Variants in RASA1 observed in about 807,000 individuals in gnomAD.
The protein encoded by RASA1 is RAS p21 protein activator 1.
RASA1 carries 25 observed loss-of-function variants against 132.2 expected under a neutral mutation model. The ratio of observed to expected loss-of-function variants is 0.19; its 90% CI spans 0.14 to 0.26. The LOEUF (loss-of-function observed/expected upper bound fraction) is 0.26. Among genes scored for constraint, RASA1 ranks in the 10% least tolerant of loss-of-function variants. The probability of loss-of-function intolerance (pLI) is 1.00; values close to 1 mark genes in which losing one functional copy is unlikely to be tolerated. For missense variants in RASA1, 964 were observed against 1,299.2 expected (o/e 0.74, Z 3.97); for synonymous variants, 477 against 449.9 (o/e 1.06, Z -0.76).
intron 1 of RASA1, among the ~76,000 whole-genome samples, chr5:87,280,038 A>G (rs1754245602): frequency 3.9e-5 from 6 of 152,226 alleles, no homozygotes; most frequent in Admixed American, 3.3e-4. Context: ...GGCAAAAGCA[A>G]AATATCCCTC....
intron 10 of RASA1, 67 bp downstream of exon 10, chr5:87,362,738 T>A (rs547026544): frequency 6.6e-7 from 1 of 1,519,298 alleles, no homozygotes; most frequent in Middle Eastern, 1.7e-4. Flanking sequence ...TCCGAACTTA[T>A]TGTGATATAT....
At chr5:87,295,665 T>C (rs1444278537) in intron 1 of RASA1, among the ~76,000 whole-genome samples, 2 of 151,958 alleles carry the variant, frequency 1.3e-5, no homozygotes, top group African/African-American at 2.4e-5. Flanking sequence ...CCACCATGCC[T>C]GGCTAGTTAC....
intron 5 of RASA1, among the ~76,000 whole-genome samples, 182 bp downstream of exon 5, chr5:87,338,273 T>A (rs1758123875): frequency 6.6e-6 from 1 of 151,910 alleles, no homozygotes; most frequent in African/African-American, 2.4e-5. Context: ...CATATTATAA[T>A]ACATAGCTGC....
At position 87,391,347 on chromosome 5, in the gene RASA1, T is replaced by C; in HGVS notation, c.*464T>C. On this transcript the variant is annotated 3_prime_UTR_variant, in exon 25 of 25. Coordinates refer to ENST00000274376, the MANE Select transcript of RASA1 (RefSeq NM_002890.3). ...TGTAACTACTTCCTGATTAGGAATA[T>C]GACCATTTGACTGTTCAATGATTAT... 3.5e-6 allele frequency: 1 copy of C among 288,682 alleles called. No homozygotes were observed. The highest frequency in any genetic ancestry group is 7.9e-5 in the South Asian group (1 of 12,682). 17.9% of individuals were successfully genotyped at this position (288,682 alleles called of 1,614,324 possible). A position where few individuals can be genotyped will look rare whatever the true frequency, so the allele number is the denominator to read the frequency against.
At chr5:87,274,036 A>G (rs1753963619) in intron 1 of RASA1, among the ~76,000 whole-genome samples, 1 of 152,148 alleles carries the variant, frequency 6.6e-6, no homozygotes, top group African/African-American at 2.4e-5. Context: ...AACTTCTAGC[A>G]TCTCTAGAAA....
chr5:87,384,165 A>C (rs1345060910), intron 21 of RASA1, among the ~76,000 whole-genome samples: 2 of 152,144 alleles, frequency 1.3e-5, no homozygotes, highest in Non-Finnish European at 2.9e-5. Context: ...AAATTAAATG[A>C]TATGTACAGT....
At chr5:87,269,884 TG>T (rs1011243733) in intron 1 of RASA1, among the ~76,000 whole-genome samples, 2 of 152,298 alleles carry the variant, frequency 1.3e-5, no homozygotes, top group African/African-American at 2.4e-5. Flanking sequence ...AATGTTGAGA[TG>T]GGAAGTGTTA....
chr5:87,271,452 CTTTTTTT>C (rs201918763), intron 1 of RASA1, among the ~76,000 whole-genome samples: 16 of 38,218 alleles, frequency 4.2e-4, no homozygotes, highest in South Asian at 8.5e-4. Context: ...TAGTAGACTT[CTTTTTTT>C]TTTTTTTTTT....
rs141264885 is a variant in RASA1, at chr5:87,379,164, C to T, written c.2488-571C>T. On this transcript the variant is annotated intron_variant, in intron 18 of 24. Coordinates refer to ENST00000274376, the MANE Select transcript of RASA1 (RefSeq NM_002890.3). Reference sequence around the variant, plus strand: ...GGACCTAGCAAATGTTAATCCTGCACGAAGGTGTCGATTCATACTAATAAC... The same window carrying T: ...GGACCTAGCAAATGTTAATCCTGCATGAAGGTGTCGATTCATACTAATAAC... 5.3e-5 allele frequency among the ~76,000 whole-genome samples: 8 copies of T among 152,130 alleles called. No homozygotes were observed. The East Asian group carries it at 5.8e-4, about 11-fold the overall frequency.
At position 87,390,775 on chromosome 5, in the gene RASA1, T is replaced by A. The variant is rs190284062; in HGVS notation, c.3061-25T>A. On this transcript the variant is annotated intron_variant, in intron 24 of 24. Transcript: ENST00000274376. The stretch of plus-strand genomic sequence containing the variant: ...ATTGCTGACCGAGCTTTCATTTATT[T>A]TCATACCATTTTTCCTCTGTCTAGC... 53 of 1,585,804 alleles carry A rather than the reference T, an allele frequency of 3.3e-5. 1 individual carries two copies. Among genetic ancestry groups the A allele is most frequent in the Admixed American group, 3.3e-4 (20 of 59,942 alleles).
At chr5:87,278,892 G>A (rs556470556) in intron 1 of RASA1, among the ~76,000 whole-genome samples, 26 of 142,070 alleles carry the variant, frequency 1.8e-4, no homozygotes, top group Non-Finnish European at 3.8e-4. Flanking sequence ...TTATTCCCTG[G>A]TAACTGCTAA....
In RASA1 at chr5:87,311,078, C is replaced by T. The variant is rs187752146; in HGVS notation, c.540-20270C>T. On this transcript the variant is annotated intron_variant, in intron 1 of 24. Transcript: ENST00000274376. The stretch of plus-strand genomic sequence containing the variant: ...AAGAACACATAATACTATATTCTGA[C>T]GTGCAATGTCTTGAGAAAAAATAGT... Among the ~76,000 whole-genome samples, 246 of 152,188 alleles carry T rather than the reference C, an allele frequency of 1.6e-3. 1 individual carries two copies. The highest frequency in any genetic ancestry group is 6.8e-3 in the Middle Eastern group (2 of 294).
At chr5:87,343,660 G>C (rs1235508907) in intron 6 of RASA1, among the ~76,000 whole-genome samples, 1 of 152,086 alleles carries the variant, frequency 6.6e-6, no homozygotes, top group Non-Finnish European at 1.5e-5. Flanking sequence ...GCACAGCATG[G>C]AAGTTCTTCA....
intron 4 of RASA1, 124 bp downstream of exon 4, chr5:87,333,461 T>C: frequency 1.4e-6 from 2 of 1,435,606 alleles, no homozygotes; most frequent in Non-Finnish European, 1.9e-6. Flanking sequence ...GAAAGAGCTT[T>C]TGATATTGGG....
At chr5:87,287,206 A>G (rs922242616) in intron 1 of RASA1, among the ~76,000 whole-genome samples, 4 of 146,904 alleles carry the variant, frequency 2.7e-5, no homozygotes, top group East Asian at 2.0e-4. Flanking sequence ...TATACACACC[A>G]TATATATACA....
At chr5:87,377,580 G>A (rs1580388639) in intron 17 of RASA1, among the ~76,000 whole-genome samples, 1 of 151,924 alleles carries the variant, frequency 6.6e-6, no homozygotes, top group Non-Finnish European at 1.5e-5. Flanking sequence ...CAGGTGATCC[G>A]CCTGCCTCAA....
chr5:87,317,216 TTTTATTACA>T (rs1177283746), intron 1 of RASA1, among the ~76,000 whole-genome samples: 2 of 152,174 alleles, frequency 1.3e-5, no homozygotes, highest in Non-Finnish European at 2.9e-5. Flanking sequence ...TCATCTGTAC[TTTTATTACA>T]TGGTGCTCTT....
chr5:87,356,950 C>T (rs77370944), intron 9 of RASA1, among the ~76,000 whole-genome samples: 1 of 152,128 alleles, frequency 6.6e-6, no homozygotes, highest in African/African-American at 2.4e-5. Flanking sequence ...TGTTTTTTCC[C>T]AGTGCTTAGA....
chr5:87,363,510 A>T lies in RASA1; in HGVS notation c.1610+6A>T. Reference sequence around the variant, plus strand: ...CATGATAGTCTCTTTGGCAGGTAAGAGACTGGTTTCCTATTTTTCTTTCGG... The same window carrying T: ...CATGATAGTCTCTTTGGCAGGTAAGTGACTGGTTTCCTATTTTTCTTTCGG... On this transcript the variant is annotated splice_donor_region_variant and intron_variant, in intron 11 of 24. Transcript: ENST00000274376. 6.2e-7 allele frequency: 1 copy of T among 1,609,804 alleles called. No homozygotes were observed. The highest frequency in any genetic ancestry group is 1.7e-5 in the Admixed American group (1 of 59,946).
Sources: gnomAD v4.1 joint callset for allele counts (sites outside exome capture counted in the v4.1 genomes callset) on GRCh38, gnomAD v4.1.1 for gene constraint, MANE v1.5 for transcripts, NCBI Gene and HGNC (gene_info 2026-07-23, HGNC 2026-07-21) for gene names.